The following SPHKAP variants were observed in gnomAD, a reference collection of about 807,000 sequenced individuals.
SPHKAP encodes SPHK1 interactor, AKAP domain containing, also known as A-kinase anchor protein SPHKAP.
A neutral mutation model predicts 137.5 loss-of-function variants in SPHKAP; 67 were observed. The observed-to-expected ratio is 0.49, with a 90% CI of 0.40 to 0.60. The LOEUF is 0.60. SPHKAP is among the 20% of genes least tolerant of loss of function. The pLI, the probability that SPHKAP is intolerant of heterozygous loss-of-function variation, is 0.00. For missense variants in SPHKAP, 2,097 were observed against 2,069.3 expected, an observed-to-expected ratio of 1.01 and a Z score of -0.26; for synonymous variants, 813 against 785.3, an observed-to-expected ratio of 1.04 and a Z score of -0.59.
chr2:228,109,079 A>T, intron 2 of SPHKAP, 140 bp from the exon 3 acceptor site: 3 of 586,504 alleles, frequency 5.1e-6, no homozygotes, highest in South Asian at 3.1e-5. Flanking sequence ...TTAGAAAAAA[A>T]CTTGCAGGAT....
At chr2:228,078,815 G>C (rs568960333) in intron 3 of SPHKAP, among the ~76,000 whole-genome samples, 8 of 152,292 alleles carry the variant, frequency 5.3e-5, no homozygotes, top group Middle Eastern at 6.8e-3. Context: ...AGGAGAATGA[G>C]AGGGAAGTGA....
chr2:228,099,822 A>G (rs1349493866), intron 3 of SPHKAP, among the ~76,000 whole-genome samples: 1 of 149,910 alleles, frequency 6.7e-6, no homozygotes, highest in Non-Finnish European at 1.5e-5. Flanking sequence ...CTTGAGTATT[A>G]TTGGTGTACA....
intron 3 of SPHKAP, among the ~76,000 whole-genome samples, chr2:228,032,727 A>G (rs1695388039): frequency 6.6e-6 from 1 of 152,224 alleles, no homozygotes; most frequent in East Asian, 1.9e-4. Context: ...AATATTCAAC[A>G]TTCTTAAAGA....
intron 3 of SPHKAP, among the ~76,000 whole-genome samples, chr2:228,051,525 T>C (rs542787508): frequency 6.6e-6 from 1 of 152,164 alleles, no homozygotes; most frequent in Admixed American, 6.5e-5. Flanking sequence ...CTGGTTCAAG[T>C]GGGGTTGAAA....
At position 228,127,173 on chromosome 2, in the gene SPHKAP, T is replaced by C. The variant is rs917319067; in HGVS notation, c.138+4807A>G. On this transcript the variant is annotated intron_variant, in intron 2 of 11. Coordinates refer to ENST00000392056, the MANE Select transcript of SPHKAP (RefSeq NM_001142644.2). Reference sequence around the variant, plus strand: ...CAGGACAGCCTTGCTACTTCTCAGATGTAACTGTCCTTGTTCTTTTTGCCT... The same window carrying C: ...CAGGACAGCCTTGCTACTTCTCAGACGTAACTGTCCTTGTTCTTTTTGCCT... Among the ~76,000 whole-genome samples the C allele has an allele frequency of 3.9e-5, 6 of 152,228 alleles. No homozygotes were observed. The East Asian group carries it at 1.2e-3, about 29-fold the overall frequency.
rs755067127 is a variant in SPHKAP, at chr2:228,016,392, GACGATTC to G, written c.4448+7_4448+13del. On this transcript the variant is annotated splice_region_variant and intron_variant, in intron 7 of 11. Coordinates refer to ENST00000392056, the MANE Select transcript of SPHKAP (RefSeq NM_001142644.2). ...GTCACATGCACCCTATGTAGTCTGA[GACGATTC>G]ACTCACCTATGGATTTGACAAGCGC... 8 of 1,564,046 alleles carry G rather than the reference GACGATTC, an allele frequency of 5.1e-6. No individual in the cohort carries two copies. The East Asian group carries it at 1.6e-4, about 31-fold the overall frequency.
chr2:228,019,357 C>T lies in SPHKAP; in HGVS notation c.1497G>A (p.Ala499=), dbSNP rs114167041. ...CAATCACAGTGGCTGCACAAGCTAACGCCACTTCTAGAGCACTCTGGGGTT... is the reference window on the plus strand; with the variant it reads ...CAATCACAGTGGCTGCACAAGCTAATGCCACTTCTAGAGCACTCTGGGGTT... ...SRQPQSALEV[A]LACAATVIGT... Residue 499 remains alanine, a synonymous_variant, in exon 7 of 12, where the codon GCG becomes GCA. Transcript: ENST00000392056. The T allele has an allele frequency of 1.5e-3, 2,366 of 1,614,138 alleles. 29 individuals are homozygous for T. In the African/African-American group the frequency reaches 0.027, roughly 18 times the overall value.
chr2:227,985,988 C>T (rs937661606), intron 11 of SPHKAP, among the ~76,000 whole-genome samples: 12 of 152,180 alleles, frequency 7.9e-5, no homozygotes, highest in Non-Finnish European at 1.5e-4. Flanking sequence ...TCTGGAACCC[C>T]AGGCACCTTT....
At chr2:228,082,631 C>T (rs1215614879) in intron 3 of SPHKAP, among the ~76,000 whole-genome samples, 1 of 152,124 alleles carries the variant, frequency 6.6e-6, no homozygotes, top group East Asian at 1.9e-4. Context: ...CACGAAGTCA[C>T]AGGGCTAAAA....
chr2:228,083,564 C>G (rs940992942), intron 3 of SPHKAP, among the ~76,000 whole-genome samples: 1 of 151,986 alleles, frequency 6.6e-6, no homozygotes, highest in Admixed American at 6.6e-5. Flanking sequence ...ACCATTTGAC[C>G]CAGCAATCCC....
At chr2:228,090,354 C>T (rs1442968247) in intron 3 of SPHKAP, among the ~76,000 whole-genome samples, 6 of 152,188 alleles carry the variant, frequency 3.9e-5, no homozygotes, top group African/African-American at 1.2e-4. Context: ...ATGTCTGTAC[C>T]TCCATTGTAT....
intron 6 of SPHKAP, 56 bp downstream of exon 6, chr2:228,021,655 C>T: frequency 3.2e-6 from 5 of 1,553,972 alleles, no homozygotes; most frequent in Non-Finnish European, 3.5e-6. Context: ...GAAATCTCAC[C>T]AAGACATTTT....
intron 3 of SPHKAP, among the ~76,000 whole-genome samples, chr2:228,034,228 A>G (rs549365594): frequency 9.6e-4 from 146 of 152,310 alleles, no homozygotes; most frequent in African/African-American, 3.4e-3. Flanking sequence ...AATACAAACT[A>G]CCATCAGAGA....
intron 7 of SPHKAP, among the ~76,000 whole-genome samples, chr2:227,998,342 C>G (rs1693713207): frequency 6.6e-6 from 1 of 152,088 alleles, no homozygotes. Flanking sequence ...GTATGAGTGC[C>G]CTTTGCTCAG....
chr2:228,105,217 C>G (rs1195780558), intron 3 of SPHKAP, among the ~76,000 whole-genome samples: 1 of 152,206 alleles, frequency 6.6e-6, no homozygotes, highest in Non-Finnish European at 1.5e-5. Context: ...ATTCTCCTGC[C>G]TCAGCCTCCC....
intron 1 of SPHKAP, among the ~76,000 whole-genome samples, chr2:228,146,051 T>C (rs899000170): frequency 1.3e-5 from 2 of 152,220 alleles, no homozygotes; most frequent in African/African-American, 2.4e-5. Flanking sequence ...TTTGCTTTTG[T>C]TTTTGCCTTT....
chr2:228,160,923 C>T (rs1193273546), intron 1 of SPHKAP, among the ~76,000 whole-genome samples: 1 of 152,168 alleles, frequency 6.6e-6, no homozygotes, highest in Non-Finnish European at 1.5e-5. Context: ...ATTTATTTGT[C>T]TAACGAACAT....
intron 1 of SPHKAP, among the ~76,000 whole-genome samples, chr2:228,168,109 C>A (rs1043628967): frequency 6.6e-6 from 1 of 152,066 alleles, no homozygotes; most frequent in Non-Finnish European, 1.5e-5. Flanking sequence ...TACTTTAATG[C>A]ACTAATCATT....
chr2:228,158,326 C>CTTTTT (rs55897294), intron 1 of SPHKAP, among the ~76,000 whole-genome samples: 15,297 of 132,702 alleles, frequency 0.12, 951 homozygotes, highest in East Asian at 0.18. Flanking sequence ...TTACTTCTTT[C>CTTTTT]TTTTTTTTTT....
Sources: gnomAD v4.1 joint callset for allele counts (sites outside exome capture counted in the v4.1 genomes callset) on GRCh38, gnomAD v4.1.1 for gene constraint, MANE v1.5 for transcripts, NCBI Gene and HGNC (gene_info 2026-07-23, HGNC 2026-07-21) for gene names.